ATP6V0A4: variants seen among roughly 807,000 people sequenced by gnomAD.
ATP6V0A4 encodes the protein V-type proton ATPase 116 kDa subunit a 4.
A neutral mutation model predicts 107.3 loss-of-function variants in ATP6V0A4; 86 were observed. That is an observed-to-expected ratio of 0.80 (90% confidence interval 0.67 to 0.96). The LOEUF (loss-of-function observed/expected upper bound fraction) is 0.96, where lower values mean the gene tolerates loss of function less well. ATP6V0A4 is among the 40% of genes least tolerant of loss of function. ATP6V0A4 has a pLI of 0.00. For synonymous variants in ATP6V0A4, 353 were observed against 381.4 expected, an observed-to-expected ratio of 0.93 and a Z score of 0.87; for missense variants, 908 against 1,045.6, an observed-to-expected ratio of 0.87 and a Z score of 1.81.
At chr7:138,722,152 A>G (rs529550336) in intron 18 of ATP6V0A4, 127 bp from the exon 19 acceptor site, 10 of 1,469,762 alleles carry the variant, frequency 6.8e-6, no homozygotes, top group South Asian at 2.4e-5. Context: ...ACACTACACT[A>G]TCTCATTAAG....
At chr7:138,797,211 T>TCTTTC (rs201647280) in intron 1 of ATP6V0A4, among the ~76,000 whole-genome samples, 11,021 of 138,302 alleles carry the variant, frequency 0.08, 462 homozygotes, top group African/African-American at 0.13. Context: ...CCATTTTCTT[T>TCTTTC]TTTTTTTTTT....
chr7:138,736,728 T>C (rs1339306633), intron 15 of ATP6V0A4, among the ~76,000 whole-genome samples: 1 of 151,984 alleles, frequency 6.6e-6, no homozygotes, highest in Non-Finnish European at 1.5e-5. Context: ...CCCACCACTA[T>C]GCCCAGCTAA....
At chr7:138,778,135 A>T (rs55884548) in intron 2 of ATP6V0A4, among the ~76,000 whole-genome samples, 5,268 of 152,274 alleles carry the variant, frequency 0.035, 164 homozygotes, top group Admixed American at 0.078. Flanking sequence ...GCACTTTGGG[A>T]GGCCAAGGCA....
intron 5 of ATP6V0A4, among the ~76,000 whole-genome samples, chr7:138,768,021 C>A (rs59673427): frequency 6.6e-6 from 1 of 152,062 alleles, no homozygotes; most frequent in African/African-American, 2.4e-5. Flanking sequence ...GCAACCTCTG[C>A]GTCCCGGATT....
chr7:138,742,286 G>T (rs931494614), intron 14 of ATP6V0A4, among the ~76,000 whole-genome samples: 1 of 152,046 alleles, frequency 6.6e-6, no homozygotes, highest in East Asian at 1.9e-4. Flanking sequence ...AATTCACTGG[G>T]TGTAGTGGCA....
rs184502957 is a variant in ATP6V0A4, at chr7:138,759,547, G to A, written c.639+205C>T. 2.0e-5 allele frequency among the ~76,000 whole-genome samples: 3 copies of A among 152,098 alleles called. No individual in the cohort carries two copies. The East Asian group carries it at 5.8e-4, about 29-fold the overall frequency. ...AAGAATAAACCAGTTATGAGGTGTT[G>A]ACAAGAATCAGTCCTTGAACTGACC... On this transcript the variant is annotated intron_variant, in intron 8 of 21. Coordinates refer to ENST00000310018, the MANE Select transcript of ATP6V0A4 (RefSeq NM_020632.3).
intron 2 of ATP6V0A4, among the ~76,000 whole-genome samples, chr7:138,775,011 G>A (rs1197640116): frequency 6.6e-6 from 1 of 152,108 alleles, no homozygotes; most frequent in African/African-American, 2.4e-5. Flanking sequence ...CTCTTGCCCA[G>A]GGGTGCGGGG....
chr7:138,756,628 G>A (rs908984253), intron 8 of ATP6V0A4, 88 bp from the exon 9 acceptor site: 2 of 1,492,300 alleles, frequency 1.3e-6, no homozygotes, highest in African/African-American at 2.8e-5. Context: ...CCTGTTTTTA[G>A]GCTTACACAA....
At chr7:138,712,978 T>G (rs1803823374) in intron 20 of ATP6V0A4, among the ~76,000 whole-genome samples, 1 of 152,042 alleles carries the variant, frequency 6.6e-6, no homozygotes, top group Non-Finnish European at 1.5e-5. Context: ...TTCACATGAA[T>G]GCACAGCAGT....
At chr7:138,751,482 T>C (rs1806222355) in intron 11 of ATP6V0A4, among the ~76,000 whole-genome samples, 1 of 151,406 alleles carries the variant, frequency 6.6e-6, no homozygotes, top group South Asian at 2.1e-4. Context: ...ATAACGGTGA[T>C]CAGAACAAGC....
chr7:138,736,117 G>A (rs575434516), intron 15 of ATP6V0A4, among the ~76,000 whole-genome samples: 6 of 152,106 alleles, frequency 3.9e-5, no homozygotes, highest in Non-Finnish European at 8.8e-5. Context: ...GGCATGGCAC[G>A]TGCCTGTAGT....
At chr7:138,738,623 C>A (rs1183063625) in intron 15 of ATP6V0A4, among the ~76,000 whole-genome samples, 2 of 152,142 alleles carry the variant, frequency 1.3e-5, no homozygotes, top group Non-Finnish European at 2.9e-5. Flanking sequence ...ATGCAAGTGT[C>A]CCTGGGTGGC....
At chr7:138,763,471 T>C (rs886148136) in intron 5 of ATP6V0A4, among the ~76,000 whole-genome samples, 1 of 151,034 alleles carries the variant, frequency 6.6e-6, no homozygotes, top group South Asian at 2.1e-4. Context: ...CTACTAAAAA[T>C]AGAAAAATTA....
chr7:138,733,127 G>A, intron 16 of ATP6V0A4, 34 bp from the exon 17 acceptor site: 1 of 1,613,314 alleles, frequency 6.2e-7, no homozygotes, highest in Non-Finnish European at 8.5e-7. Context: ...ACACAAGATA[G>A]AACATCAAGG....
At chr7:138,766,315 G>C (rs1250837011) in intron 5 of ATP6V0A4, among the ~76,000 whole-genome samples, 2 of 151,206 alleles carry the variant, frequency 1.3e-5, no homozygotes, top group African/African-American at 4.9e-5. Flanking sequence ...CAATTCTCCT[G>C]CCTCAGCTTC....
At chr7:138,732,482 A>G (rs1805067764) in intron 17 of ATP6V0A4, among the ~76,000 whole-genome samples, 1 of 151,834 alleles carries the variant, frequency 6.6e-6, no homozygotes, top group African/African-American at 2.4e-5. Context: ...ACAAATAACT[A>G]CTCTTTGCAA....
chr7:138,798,082 G>T lies in ATP6V0A4; in HGVS notation c.-169C>A. ...TCCGCAGGACCGGCTCACCTGCACC[G>T]GGCACTCAGCACAGCCTCCAGCATG... On this transcript the variant is annotated 5_prime_UTR_variant, in exon 1 of 22. Coordinates refer to ENST00000310018, the MANE Select transcript of ATP6V0A4 (RefSeq NM_020632.3). The T allele has an allele frequency of 6.3e-7, 1 of 1,584,804 alleles. No individual in the cohort carries two copies. Among genetic ancestry groups the T allele is most frequent in the East Asian group, 2.3e-5 (1 of 43,238 alleles).
At position 138,752,608 on chromosome 7, in the gene ATP6V0A4, C is replaced by G. The variant is rs777504764; in HGVS notation, c.1029+17G>C. 1 of 1,612,282 alleles carries G rather than the reference C, an allele frequency of 6.2e-7. No individual in the cohort carries two copies. The highest frequency in any genetic ancestry group is 1.1e-5 in the South Asian group (1 of 90,900). ...GGCTGACTCATCGGACCCCTCCTGG[C>G]TCCACCTGCCACGCACCATGCCTTG... On this transcript the variant is annotated intron_variant, in intron 11 of 21. Transcript: ENST00000310018.
chr7:138,788,137 C>T (rs182373133), intron 1 of ATP6V0A4, among the ~76,000 whole-genome samples: 7 of 152,254 alleles, frequency 4.6e-5, no homozygotes, highest in South Asian at 2.1e-4. Context: ...TGGTTCGCTT[C>T]GGTTTTATGT....
Sources: gnomAD v4.1 joint callset for allele counts (sites outside exome capture counted in the v4.1 genomes callset) on GRCh38, gnomAD v4.1.1 for gene constraint, MANE v1.5 for transcripts, NCBI Gene and HGNC (gene_info 2026-07-23, HGNC 2026-07-21) for gene names.